ANO3: variants seen among roughly 807,000 people sequenced by gnomAD.
ANO3 encodes the protein anoctamin-3.
In ANO3, 99 loss-of-function variants were observed where a neutral mutation model predicts 144.8. That is an observed-to-expected ratio of 0.68 (90% CI 0.58 to 0.81). The LOEUF (loss-of-function observed/expected upper bound fraction) is 0.81. Among genes scored for constraint, ANO3 ranks in the 30% least tolerant of loss-of-function variants. The pLI, the probability that ANO3 is intolerant of heterozygous loss-of-function variation, is 0.00. For synonymous variants in ANO3, 414 were observed against 392.6 expected, an observed-to-expected ratio of 1.05 and a Z score of -0.64; for missense variants, 905 against 1,202.2, an observed-to-expected ratio of 0.75 and a Z score of 3.66.
intron 1 of ANO3, among the ~76,000 whole-genome samples, chr11:26,301,399 A>G (rs1412622194): frequency 1.3e-5 from 2 of 152,232 alleles, no homozygotes; most frequent in African/African-American, 4.8e-5. Context: ...AGTTAAAATA[A>G]TTTTAAAATA....
intron 3 of ANO3, among the ~76,000 whole-genome samples, chr11:26,450,320 C>T (rs1308065641): frequency 6.6e-6 from 1 of 152,128 alleles, no homozygotes; most frequent in East Asian, 1.9e-4. Flanking sequence ...AGTGTATCTG[C>T]AGGATTTGCT....
chr11:26,541,795 C>T, intron 10 of ANO3, 152 bp from the exon 11 acceptor site: 2 of 535,404 alleles, frequency 3.7e-6, no homozygotes, highest in South Asian at 9.3e-5. Context: ...GTAAAGGCAT[C>T]CATCACATCA....
chr11:26,632,936 C>T (rs1204203259), intron 18 of ANO3, among the ~76,000 whole-genome samples: 1 of 152,152 alleles, frequency 6.6e-6, no homozygotes, highest in Non-Finnish European at 1.5e-5. Flanking sequence ...CATGTCAAAA[C>T]CCGTGGGGAC....
At chr11:26,309,565 C>A, upstream of ANO3, 1 of 696,188 alleles carries the variant, frequency 1.4e-6, no homozygotes, top group Non-Finnish European at 1.8e-6. Flanking sequence ...CTCTTCTTTT[C>A]CATGATAATT....
chr11:26,460,064 G>T (rs2047099), intron 3 of ANO3: 1 of 449,754 alleles, frequency 2.2e-6, no homozygotes, highest in South Asian at 1.6e-5. Context: ...TTAGAGATCA[G>T]ATTTCAACAT....
At chr11:26,514,354 C>T (rs1317953850) in intron 5 of ANO3, among the ~76,000 whole-genome samples, 2 of 151,932 alleles carry the variant, frequency 1.3e-5, no homozygotes, top group Admixed American at 6.6e-5. Context: ...GGTATGCTGT[C>T]AACTGAGAAA....
chr11:26,407,044 A>ATGGG, intron 1 of ANO3, among the ~76,000 whole-genome samples: 1 of 50,320 alleles, frequency 2.0e-5, no homozygotes, highest in East Asian at 7.6e-4. Context: ...GTATATATAT[A>ATGGG]TGGGTGTGTG....
intron 1 of ANO3, among the ~76,000 whole-genome samples, chr11:26,249,758 ACT>A (rs762514694): frequency 6.6e-6 from 1 of 151,632 alleles, no homozygotes; most frequent in Non-Finnish European, 1.5e-5. Context: ...TCTAAGCTAA[ACT>A]CTGCTGAAAA....
At chr11:26,374,852 T>C (rs1021046607) in intron 1 of ANO3, among the ~76,000 whole-genome samples, 4 of 152,336 alleles carry the variant, frequency 2.6e-5, no homozygotes, top group Admixed American at 1.3e-4. Flanking sequence ...AGAGCAATTC[T>C]CCTGACTAAG....
chr11:26,419,702 A>G (rs778868808), intron 1 of ANO3, among the ~76,000 whole-genome samples: 11 of 152,104 alleles, frequency 7.2e-5, no homozygotes, highest in Non-Finnish European at 1.0e-4. Context: ...TGGAAACATA[A>G]TAAGTTCTAT....
intron 14 of ANO3, among the ~76,000 whole-genome samples, chr11:26,561,535 T>A (rs1850292941): frequency 6.6e-6 from 1 of 151,960 alleles, no homozygotes; most frequent in South Asian, 2.1e-4. Flanking sequence ...CTCATTGACT[T>A]TTGAATCTTG....
intron 1 of ANO3, among the ~76,000 whole-genome samples, chr11:26,295,693 A>T (rs1854073154): frequency 6.6e-6 from 1 of 152,176 alleles, no homozygotes; most frequent in Non-Finnish European, 1.5e-5. Context: ...AGCACCTCAT[A>T]TCTCCATCAG....
At chr11:26,248,996 A>T (rs1321388267) in intron 1 of ANO3, among the ~76,000 whole-genome samples, 1 of 152,186 alleles carries the variant, frequency 6.6e-6, no homozygotes, top group Non-Finnish European at 1.5e-5. Context: ...GCCTCTGTGG[A>T]AATATCGTCT....
intron 1 of ANO3, among the ~76,000 whole-genome samples, chr11:26,245,038 T>C (rs900524507): frequency 6.1e-5 from 9 of 146,894 alleles, no homozygotes; most frequent in Non-Finnish European, 1.2e-4. Flanking sequence ...TGCATTTGTC[T>C]TTCATAGCAT....
intron 1 of ANO3, chr11:26,287,884 CT>C (rs1355436310): frequency 6.6e-6 from 1 of 152,176 alleles, no homozygotes; most frequent in Admixed American, 6.5e-5. Context: ...CATTTATTTT[CT>C]TTAAATTCTA....
At chr11:26,655,905 CA>C (rs1672258462) in intron 24 of ANO3, among the ~76,000 whole-genome samples, 1 of 151,444 alleles carries the variant, frequency 6.6e-6, no homozygotes, top group Non-Finnish European at 1.5e-5. Flanking sequence ...GATGAAAAGG[CA>C]AGATAGGAAT....
At chr11:26,241,175 G>A (rs1469558479) in intron 1 of ANO3, among the ~76,000 whole-genome samples, 3 of 151,972 alleles carry the variant, frequency 2.0e-5, no homozygotes, top group Admixed American at 6.6e-5. Context: ...AGACTTGCTC[G>A]TCCTTGCCTT....
chr11:26,246,221 T>C (rs934293235), intron 1 of ANO3, among the ~76,000 whole-genome samples: 19 of 152,096 alleles, frequency 1.2e-4, no homozygotes, highest in African/African-American at 4.3e-4. Context: ...GGTGAATTTT[T>C]AGGGTTAATT....
intron 1 of ANO3, among the ~76,000 whole-genome samples, chr11:26,199,078 A>G (rs957437901): frequency 1.3e-5 from 2 of 151,884 alleles, no homozygotes; most frequent in African/African-American, 4.8e-5. Flanking sequence ...TAGTTATCTT[A>G]CTATTTCTGG....
Sources: allele counts gnomAD v4.1 joint callset (sites outside exome capture counted in the v4.1 genomes callset), GRCh38; gene constraint gnomAD v4.1.1; transcripts MANE v1.5; gene names NCBI Gene and HGNC (gene_info 2026-07-23, HGNC 2026-07-21).